NXPE4: variants seen among roughly 807,000 people sequenced by gnomAD.
The protein encoded by NXPE4 is NXPE family member 4.
In NXPE4, 42 loss-of-function variants were observed where a neutral mutation model predicts 33.3. The observed-to-expected ratio is 1.26, with a 90% CI of 0.98 to 1.63. The LOEUF (loss-of-function observed/expected upper bound fraction) is 1.63. NXPE4 is among the 40% of genes most tolerant of loss of function. The probability of loss-of-function intolerance (pLI) is 0.00; values close to 1 mark genes in which losing one functional copy is unlikely to be tolerated. For missense variants in NXPE4, 709 were observed against 647.6 expected, an observed-to-expected ratio of 1.09 and a Z score of -1.03; for synonymous variants, 253 against 234.9, an observed-to-expected ratio of 1.08 and a Z score of -0.71.
chr11:114,609,082 T>C, the NXPE4 span, among the ~76,000 whole-genome samples: 1 of 151,908 alleles, frequency 6.6e-6, no homozygotes, highest in Non-Finnish European at 1.5e-5. Context: ...TGTTATCCGG[T>C]GGATAATAAG....
the NXPE4 span, among the ~76,000 whole-genome samples, chr11:114,629,870 A>G: frequency 3.3e-5 from 5 of 150,508 alleles, no homozygotes; most frequent in Non-Finnish European, 7.4e-5. Context: ...ATTCTTATAC[A>G]CCAACAACAG....
chr11:114,571,569 A>AT, intron 5 of NXPE4, 96 bp from the exon 6 acceptor site: 1 of 1,130,530 alleles, frequency 8.8e-7, no homozygotes, highest in Non-Finnish European at 1.3e-6. Flanking sequence ...GTATAATTAA[A>AT]TAAGCTAATC....
Position 114,595,739 on chromosome 11 carries a change from T to G in NXPE4, c.-158A>C, listed in dbSNP as rs1224664955. The G allele has an allele frequency of 6.6e-6, 1 of 152,340 alleles. No homozygotes were observed. Among genetic ancestry groups the G allele is most frequent in the African/African-American group, 2.4e-5 (1 of 41,436 alleles). 9.4% of individuals were successfully genotyped at this position (152,340 alleles called of 1,614,324 possible). A position where few individuals can be genotyped will look rare whatever the true frequency, so the allele number is the denominator to read the frequency against. On this transcript the variant is annotated 5_prime_UTR_variant, in exon 1 of 6. Transcript: ENST00000375478. ...AGATATAAGTTGCAGTTTGTTTACC[T>G]TTAGCATGGATTCACAACCTTCTGC...
At chr11:114,642,401 C>T in the NXPE4 span, among the ~76,000 whole-genome samples, 1 of 151,976 alleles carries the variant, frequency 6.6e-6, no homozygotes, top group Admixed American at 6.6e-5. Context: ...GTAGGTATTT[C>T]TCCTAATGCT....
chr11:114,640,171 T>C, the NXPE4 span, among the ~76,000 whole-genome samples: 861 of 131,108 alleles, frequency 6.6e-3, 12 homozygotes, highest in South Asian at 0.03. Flanking sequence ...TATATATAAA[T>C]AATTTATATA....
intron 2 of NXPE4, 171 bp from the exon 3 acceptor site, chr11:114,583,192 TAAA>T: frequency 1.3e-6 from 1 of 794,244 alleles, no homozygotes; most frequent in Non-Finnish European, 2.0e-6. Flanking sequence ...AATTCTCCAA[TAAA>T]AAGGCATAGA....
chr11:114,618,192 G>A, the NXPE4 span, among the ~76,000 whole-genome samples: 1 of 152,020 alleles, frequency 6.6e-6, no homozygotes, highest in Non-Finnish European at 1.5e-5. Context: ...TGGATACTAA[G>A]TATTGCCTCA....
intron 2 of NXPE4, among the ~76,000 whole-genome samples, chr11:114,585,706 G>T (rs986276313): frequency 2.0e-5 from 3 of 152,054 alleles, no homozygotes; most frequent in African/African-American, 4.8e-5. Flanking sequence ...GACAGTGAGG[G>T]TAAAGGAGTC....
the NXPE4 span, among the ~76,000 whole-genome samples, chr11:114,653,259 T>C: frequency 3.3e-5 from 5 of 152,204 alleles, no homozygotes; most frequent in Non-Finnish European, 5.9e-5. Context: ...TAAGCAAACA[T>C]TATAAAAATG....
chr11:114,650,927 A>T, the NXPE4 span, among the ~76,000 whole-genome samples: 1 of 152,122 alleles, frequency 6.6e-6, no homozygotes, highest in Non-Finnish European at 1.5e-5. Flanking sequence ...AATACTGGCT[A>T]ACAGAGATGG....
intron 5 of NXPE4, among the ~76,000 whole-genome samples, chr11:114,577,887 A>G (rs1440537683): frequency 6.6e-6 from 1 of 152,176 alleles, no homozygotes; most frequent in Admixed American, 6.6e-5. Context: ...ATTAAGTGCC[A>G]TATCTATAAT....
the NXPE4 span, among the ~76,000 whole-genome samples, chr11:114,616,999 G>C: frequency 2.0e-5 from 3 of 150,928 alleles, no homozygotes; most frequent in Non-Finnish European, 4.4e-5. Context: ...GGTAACCACT[G>C]TTACCTGGTG....
chr11:114,578,805 T>C (rs1234587789), intron 5 of NXPE4, among the ~76,000 whole-genome samples: 1 of 152,188 alleles, frequency 6.6e-6, no homozygotes, highest in Non-Finnish European at 1.5e-5. Context: ...GTTTAGTAAA[T>C]AGAGCAACTG....
chr11:114,597,114 G>A (rs980748025), upstream of NXPE4, among the ~76,000 whole-genome samples: 1 of 82,050 alleles, frequency 1.2e-5, no homozygotes, highest in Non-Finnish European at 2.5e-5. Flanking sequence ...ATTACTTGAA[G>A]GATAGACTCT....
chr11:114,628,015 T>C, the NXPE4 span, among the ~76,000 whole-genome samples: 1 of 151,636 alleles, frequency 6.6e-6, no homozygotes, highest in Non-Finnish European at 1.5e-5. Context: ...CCTAGATTCA[T>C]AAAGCAAGTC....
At chr11:114,620,118 A>G in the NXPE4 span, among the ~76,000 whole-genome samples, 2 of 152,132 alleles carry the variant, frequency 1.3e-5, no homozygotes, top group Admixed American at 6.5e-5. Flanking sequence ...AGTGGATAAT[A>G]CGTATTTCCT....
intron 5 of NXPE4, among the ~76,000 whole-genome samples, chr11:114,579,436 AAATAAAT>A (rs1488869124): frequency 1.3e-5 from 2 of 152,170 alleles, no homozygotes; most frequent in Non-Finnish European, 2.9e-5. Flanking sequence ...CAGGCAGGGA[AAATAAAT>A]AACATGCCCA....
the NXPE4 span, among the ~76,000 whole-genome samples, chr11:114,616,745 C>T: frequency 2.0e-4 from 31 of 151,710 alleles, no homozygotes; most frequent in Admixed American, 8.5e-4. Context: ...TGGGTAACCA[C>T]GGTTAACCGG....
chr11:114,613,649 T>G, the NXPE4 span, among the ~76,000 whole-genome samples: 1 of 151,860 alleles, frequency 6.6e-6, no homozygotes, highest in African/African-American at 2.4e-5. Flanking sequence ...AGTGTTGCCT[T>G]TGGTAACCAC....
Sources: gnomAD v4.1 joint callset for allele counts (sites outside exome capture counted in the v4.1 genomes callset) on GRCh38, gnomAD v4.1.1 for gene constraint, MANE v1.5 for transcripts, NCBI Gene and HGNC (gene_info 2026-07-23, HGNC 2026-07-21) for gene names.